Variants in CDIN1 observed in about 807,000 individuals in gnomAD.
CDIN1 encodes the protein CDAN1-interacting nuclease 1.
A neutral mutation model predicts 45.3 loss-of-function variants in CDIN1; 33 were observed. The ratio of observed to expected loss-of-function variants is 0.73; its 90% CI spans 0.55 to 0.97. CDIN1 has a LOEUF of 0.97. Ranked by LOEUF, CDIN1 falls within the 50% of genes least tolerant of loss-of-function variation. The probability of loss-of-function intolerance (pLI) is 0.00; values close to 1 mark genes in which losing one functional copy is unlikely to be tolerated. For synonymous variants in CDIN1, 118 were observed against 124.4 expected, an observed-to-expected ratio of 0.95 and a Z score of 0.34; for missense variants, 303 against 339.4, an observed-to-expected ratio of 0.89 and a Z score of 0.84.
At chr15:36,602,589 G>T (rs1030847969) in intron 1 of CDIN1, among the ~76,000 whole-genome samples, 3 of 152,302 alleles carry the variant, frequency 2.0e-5, no homozygotes, top group East Asian at 1.9e-4. Flanking sequence ...TCTAGACGTG[G>T]TGGCCACCCT....
chr15:36,747,404 C>T (rs1313747741), intron 10 of CDIN1, among the ~76,000 whole-genome samples: 2 of 152,112 alleles, frequency 1.3e-5, no homozygotes, highest in South Asian at 2.1e-4. Context: ...ATTCCATGCT[C>T]TTTTTTATAA....
intron 1 of CDIN1, among the ~76,000 whole-genome samples, chr15:36,624,758 A>G (rs1200115569): frequency 6.6e-6 from 1 of 152,190 alleles, no homozygotes; most frequent in African/African-American, 2.4e-5. Context: ...GATTATTAAT[A>G]CCATTATTTT....
At chr15:36,651,837 T>C (rs557364833) in intron 3 of CDIN1, among the ~76,000 whole-genome samples, 49 of 152,204 alleles carry the variant, frequency 3.2e-4, no homozygotes, top group Admixed American at 7.9e-4. Flanking sequence ...TGGTCATGCT[T>C]TTAATATTAT....
intron 5 of CDIN1, among the ~76,000 whole-genome samples, chr15:36,676,553 A>G (rs1401838561): frequency 6.6e-6 from 1 of 152,186 alleles, no homozygotes; most frequent in Non-Finnish European, 1.5e-5. Flanking sequence ...TGGTCATACC[A>G]GTAGCCACTG....
chr15:36,782,410 A>G (rs1343057983), intron 10 of CDIN1, among the ~76,000 whole-genome samples: 2 of 152,160 alleles, frequency 1.3e-5, no homozygotes. Context: ...CTCCTAGTAA[A>G]TCATCACTCT....
At chr15:36,608,976 T>G (rs568788834) in intron 1 of CDIN1, among the ~76,000 whole-genome samples, 23 of 149,440 alleles carry the variant, frequency 1.5e-4, no homozygotes, top group Admixed American at 6.0e-4. Flanking sequence ...TATGTGTGTA[T>G]ATAGATAGAT....
chr15:36,683,643 C>T (rs1354014448), intron 5 of CDIN1, among the ~76,000 whole-genome samples: 1 of 18,376 alleles, frequency 5.4e-5, no homozygotes, highest in East Asian at 7.8e-4. Context: ...ATGGGGATGG[C>T]ATTGAATCTG....
intron 10 of CDIN1, among the ~76,000 whole-genome samples, chr15:36,722,489 C>G (rs1453703221): frequency 6.6e-6 from 1 of 152,102 alleles, no homozygotes; most frequent in Admixed American, 6.6e-5. Context: ...TAGAAAGCAG[C>G]TTTCTTTGGT....
At chr15:36,768,946 G>C (rs972121590) in intron 10 of CDIN1, among the ~76,000 whole-genome samples, 1 of 151,922 alleles carries the variant, frequency 6.6e-6, no homozygotes, top group Admixed American at 6.6e-5. Context: ...TTATGTTATG[G>C]GGCTATCATG....
At chr15:36,613,788 A>T in intron 1 of CDIN1, 1 of 1,602,642 alleles carries the variant, frequency 6.2e-7, no homozygotes, top group Non-Finnish European at 8.5e-7. Context: ...GAAAAGATAG[A>T]ACTCCAGGAA....
intron 10 of CDIN1, among the ~76,000 whole-genome samples, chr15:36,733,170 A>G (rs562575464): frequency 8.9e-4 from 136 of 152,156 alleles, no homozygotes; most frequent in African/African-American, 3.2e-3. Flanking sequence ...TTTGTTTTTT[A>G]TCACTGTTTA....
chr15:36,706,925 CT>C (rs1164080525), intron 8 of CDIN1: 1 of 152,106 alleles, frequency 6.6e-6, no homozygotes, highest in African/African-American at 2.4e-5. Flanking sequence ...ACTCATTCAT[CT>C]TTTGGGGGCA....
intron 10 of CDIN1, among the ~76,000 whole-genome samples, chr15:36,791,421 C>G (rs2054642658): frequency 6.6e-6 from 1 of 152,190 alleles, no homozygotes; most frequent in Non-Finnish European, 1.5e-5. Flanking sequence ...ATTGTAACGT[C>G]TTTAAACTTA....
intron 10 of CDIN1, among the ~76,000 whole-genome samples, chr15:36,765,378 G>A (rs1044094427): frequency 1.3e-5 from 2 of 152,064 alleles, no homozygotes; most frequent in African/African-American, 4.8e-5. Context: ...TCATAAAGGA[G>A]AAATAAACTT....
At chr15:36,775,004 G>A (rs1238533680) in intron 10 of CDIN1, among the ~76,000 whole-genome samples, 1 of 152,120 alleles carries the variant, frequency 6.6e-6, no homozygotes, top group East Asian at 1.9e-4. Flanking sequence ...TATTTAGCTT[G>A]TAATTCAAAC....
intron 1 of CDIN1, among the ~76,000 whole-genome samples, chr15:36,623,458 T>A (rs2039290151): frequency 6.6e-6 from 1 of 152,246 alleles, no homozygotes; most frequent in African/African-American, 2.4e-5. Flanking sequence ...AATGATGAAC[T>A]CAGATCTGCC....
chr15:36,645,166 G>A, intron 2 of CDIN1, 57 bp from the exon 3 acceptor site: 1 of 1,339,648 alleles, frequency 7.5e-7, no homozygotes, highest in Non-Finnish European at 1.0e-6. Context: ...TTCTTGTTTT[G>A]AACCTCATCT....
intron 10 of CDIN1, among the ~76,000 whole-genome samples, chr15:36,740,774 G>A (rs980814350): frequency 4.0e-5 from 6 of 151,750 alleles, no homozygotes; most frequent in East Asian, 1.9e-4. Context: ...CTGTAATCCC[G>A]GTTATTCTGG....
At chr15:36,807,685 C>A (rs2055275792) in intron 10 of CDIN1, among the ~76,000 whole-genome samples, 1 of 152,082 alleles carries the variant, frequency 6.6e-6, no homozygotes, top group Non-Finnish European at 1.5e-5. Flanking sequence ...GCCTATATGA[C>A]CTTATTCCTC....
Sources: gnomAD v4.1 joint callset for allele counts (sites outside exome capture counted in the v4.1 genomes callset) on GRCh38, gnomAD v4.1.1 for gene constraint, MANE v1.5 for transcripts, NCBI Gene and HGNC (gene_info 2026-07-23, HGNC 2026-07-21) for gene names.